FAAH2: variants seen among roughly 807,000 people sequenced by gnomAD.
FAAH2 encodes fatty acid amide hydrolase 2.
A neutral mutation model predicts 36.9 loss-of-function variants in FAAH2; 60 were observed. The observed-to-expected ratio is 1.63, with a 90% CI of 1.32 to 2.02. The LOEUF is 2.02. FAAH2 is among the 30% of genes most tolerant of loss of function. The pLI, the probability that FAAH2 is intolerant of heterozygous loss-of-function variation, is 0.00. For missense variants in FAAH2, 689 were observed against 397.5 expected (o/e 1.73, Z -6.23); for synonymous variants, 214 against 143.8 (o/e 1.49, Z -3.49).
intron 8 of FAAH2, among the ~76,000 whole-genome samples, chrX:57,443,463 T>C (rs1000322652): frequency 1.8e-5 from 2 of 111,818 alleles, no homozygotes; most frequent in Non-Finnish European, 3.8e-5. Flanking sequence ...CTCCATGAGG[T>C]CATTTAGGGA....
At chrX:57,137,012 C>T in the FAAH2 span, 1 of 847,727 alleles carries the variant, frequency 1.2e-6, no homozygotes, top group African/African-American at 2.2e-5. Context: ...CTAACCACTT[C>T]CCTGTTACCT....
chrX:57,347,335 T>G (rs1220484985), intron 5 of FAAH2, among the ~76,000 whole-genome samples: 1 of 111,686 alleles, frequency 9.0e-6, no homozygotes, highest in East Asian at 2.8e-4. Flanking sequence ...GAATCTTTCC[T>G]CAGCTTGGTC....
the FAAH2 span, among the ~76,000 whole-genome samples, chrX:57,214,573 C>T: frequency 9.0e-6 from 1 of 111,069 alleles, no homozygotes; most frequent in Non-Finnish European, 1.9e-5. Flanking sequence ...ATTACAGGTG[C>T]GTGCCATGAT....
At chrX:57,216,687 G>T in the FAAH2 span, among the ~76,000 whole-genome samples, 2 of 72,025 alleles carry the variant, frequency 2.8e-5, no homozygotes, top group South Asian at 8.2e-4. Context: ...TGGGCATTTG[G>T]GTTGGTTGCA....
intron 10 of FAAH2, among the ~76,000 whole-genome samples, chrX:57,480,885 G>T (rs1042015914): frequency 9.1e-6 from 1 of 110,410 alleles, no homozygotes; most frequent in African/African-American, 3.3e-5. Context: ...GTCGATCGTA[G>T]GTTTGTTATT....
At chrX:57,481,137 C>A (rs1259342315) in intron 10 of FAAH2, among the ~76,000 whole-genome samples, 4 of 110,415 alleles carry the variant, frequency 3.6e-5, no homozygotes, top group Non-Finnish European at 7.6e-5. Context: ...GTTAGCATTT[C>A]CTGTAACCTT....
intron 8 of FAAH2, among the ~76,000 whole-genome samples, chrX:57,444,435 G>GC (rs778690780): frequency 1.8e-5 from 2 of 112,075 alleles, no homozygotes; most frequent in South Asian, 7.5e-4. Flanking sequence ...TTCCTGGTGT[G>GC]CCGTTTGCTA....
At chrX:57,373,594 T>C (rs1222140443) in intron 5 of FAAH2, among the ~76,000 whole-genome samples, 1 of 111,367 alleles carries the variant, frequency 9.0e-6, no homozygotes, top group Non-Finnish European at 1.9e-5. Context: ...CGCTAATTTG[T>C]TTGAGTTCTT....
the FAAH2 span, among the ~76,000 whole-genome samples, chrX:57,138,218 G>C: frequency 1.8e-5 from 2 of 111,004 alleles, no homozygotes; most frequent in South Asian, 3.8e-4. Flanking sequence ...GTGTTTTTTT[G>C]TGAGTTACAG....
At chrX:57,440,446 G>T (rs1036705002) in intron 8 of FAAH2, among the ~76,000 whole-genome samples, 1 of 111,427 alleles carries the variant, frequency 9.0e-6, no homozygotes, top group African/African-American at 3.3e-5. Flanking sequence ...TTTGCGCATT[G>T]ATTTTGTATC....
chrX:57,310,318 T>C (rs1286810197), intron 2 of FAAH2, among the ~76,000 whole-genome samples: 3 of 111,624 alleles, frequency 2.7e-5, no homozygotes, highest in Non-Finnish European at 5.6e-5. Context: ...ATTTATTTGG[T>C]GACAAGGAGA....
chrX:57,215,230 A>T, the FAAH2 span, among the ~76,000 whole-genome samples: 1 of 111,800 alleles, frequency 8.9e-6, no homozygotes, highest in African/African-American at 3.3e-5. Context: ...CACATCACTG[A>T]TCATTAGAGA....
intron 7 of FAAH2, among the ~76,000 whole-genome samples, chrX:57,382,729 C>T (rs1191591793): frequency 2.7e-5 from 3 of 111,204 alleles, no homozygotes; most frequent in African/African-American, 9.8e-5. Context: ...AGATTCACAG[C>T]CAAATTCTAC....
the FAAH2 span, among the ~76,000 whole-genome samples, chrX:57,238,233 C>G: frequency 8.9e-6 from 1 of 111,891 alleles, no homozygotes; most frequent in Admixed American, 9.5e-5. Context: ...ATAGCAAACT[C>G]ATGAAATCAA....
the FAAH2 span, chrX:57,121,843 G>T: frequency 9.4e-6 from 1 of 106,720 alleles, no homozygotes; most frequent in Non-Finnish European, 1.9e-5. Flanking sequence ...GCCGCCCCGC[G>T]CCCACCCCCG....
At chrX:57,300,721 G>A (rs1472282158) in intron 2 of FAAH2, among the ~76,000 whole-genome samples, 1 of 111,160 alleles carries the variant, frequency 9.0e-6, no homozygotes, top group Non-Finnish European at 1.9e-5. Flanking sequence ...TCTGACAAAG[G>A]GCTAATATCC....
At chrX:57,292,425 C>A in intron 1 of FAAH2, 73 bp from the exon 2 acceptor site, 2 of 962,249 alleles carry the variant, frequency 2.1e-6, no homozygotes, top group Non-Finnish European at 2.9e-6. Flanking sequence ...ACATAGGAGT[C>A]TTTCAGGAAA....
At chrX:57,324,429 G>T (rs1186010277) in intron 3 of FAAH2, among the ~76,000 whole-genome samples, 1 of 111,712 alleles carries the variant, frequency 9.0e-6, no homozygotes, top group Non-Finnish European at 1.9e-5. Context: ...ATTACCTTGG[G>T]CAGTATGGCC....
the FAAH2 span, among the ~76,000 whole-genome samples, chrX:57,123,761 G>A: frequency 1.8e-5 from 2 of 112,497 alleles, no homozygotes; most frequent in South Asian, 7.4e-4. Context: ...CAGTGATGAA[G>A]AGCATTTATT....
Sources: gnomAD v4.1 joint callset for allele counts (sites outside exome capture counted in the v4.1 genomes callset) on GRCh38, gnomAD v4.1.1 for gene constraint, MANE v1.5 for transcripts, NCBI Gene and HGNC (gene_info 2026-07-23, HGNC 2026-07-21) for gene names.